STPG2: variants seen among roughly 807,000 people sequenced by gnomAD.
STPG2 encodes sperm-tail PG-rich repeat-containing protein 2.
In STPG2, 56 loss-of-function variants were observed where a neutral mutation model predicts 54.2. The observed-to-expected ratio is 1.03, with a 90% CI of 0.83 to 1.29. STPG2 has a LOEUF of 1.29. Among genes scored for constraint, STPG2 ranks in the 50% most tolerant of loss-of-function variants. STPG2 has a pLI of 0.00. For synonymous variants in STPG2, 200 were observed against 181.8 expected (o/e 1.10, Z -0.81); for missense variants, 596 against 544.9 (o/e 1.09, Z -0.93).
In STPG2 at chr4:97,779,509, A is replaced by C. The variant is rs148077249; in HGVS notation, c.1204+61264T>G. On this transcript the variant is annotated intron_variant, in intron 9 of 10. Transcript: ENST00000295268. ...GGAACCAAACTGGAAAACACTCTGCAGGATATTATCCAGGAGAACTTCCCC... is the reference window on the plus strand; with the variant it reads ...GGAACCAAACTGGAAAACACTCTGCCGGATATTATCCAGGAGAACTTCCCC... Among the ~76,000 whole-genome samples the C allele has an allele frequency of 3.4e-3, 512 of 152,316 alleles. 31 individuals are homozygous for C. In the East Asian group the frequency reaches 0.082, roughly 24 times the overall value.
intron 8 of STPG2, among the ~76,000 whole-genome samples, chr4:97,875,317 C>T (rs976902148): frequency 6.6e-6 from 1 of 151,596 alleles, no homozygotes; most frequent in Admixed American, 6.6e-5. Flanking sequence ...TCTTTATATA[C>T]TTACGTATAT....
chr4:97,886,205 T>C (rs1730563210), intron 8 of STPG2, among the ~76,000 whole-genome samples: 1 of 152,194 alleles, frequency 6.6e-6, no homozygotes, highest in Non-Finnish European at 1.5e-5. Flanking sequence ...TCGAAGTGTA[T>C]TCTAGTAGAA....
chr4:97,530,079 T>C (rs1731380978), intron 4 of STPG2, among the ~76,000 whole-genome samples: 1 of 152,180 alleles, frequency 6.6e-6, no homozygotes, highest in African/African-American at 2.4e-5. Flanking sequence ...GTATAACGTA[T>C]TGTACAAAAT....
chr4:98,018,606 A>G (rs1025378381), intron 5 of STPG2, among the ~76,000 whole-genome samples: 2 of 152,150 alleles, frequency 1.3e-5, no homozygotes, highest in African/African-American at 4.8e-5. Context: ...GACTTCCACA[A>G]TGGTTGAACT....
chr4:97,537,764 C>A (rs1164388634), intron 4 of STPG2, among the ~76,000 whole-genome samples: 1 of 152,164 alleles, frequency 6.6e-6, no homozygotes, highest in Non-Finnish European at 1.5e-5. Context: ...GGTCCCTGAC[C>A]CCTGAGTAGA....
At chr4:97,496,674 A>C (rs565449653) in intron 4 of STPG2, among the ~76,000 whole-genome samples, 1 of 151,786 alleles carries the variant, frequency 6.6e-6, no homozygotes, top group Admixed American at 6.6e-5. Context: ...AGCTTAGCCC[A>C]TTCTCTCAGA....
intron 4 of STPG2, among the ~76,000 whole-genome samples, chr4:97,511,337 A>AAGCATGTTTC (rs1730967719): frequency 6.6e-6 from 1 of 152,024 alleles, no homozygotes; most frequent in African/African-American, 2.4e-5. Context: ...AGAAGAATTT[A>AAGCATGTTTC]TGGTGAAAAA....
chr4:97,697,067 CTCTG>C (rs1723600115), intron 10 of STPG2, among the ~76,000 whole-genome samples: 1 of 152,174 alleles, frequency 6.6e-6, no homozygotes, highest in South Asian at 2.1e-4. Context: ...AATTGCACCT[CTCTG>C]TCTGCATGCC....
chr4:98,062,341 A>T (rs1180798302), intron 5 of STPG2, among the ~76,000 whole-genome samples: 1 of 152,148 alleles, frequency 6.6e-6, no homozygotes, highest in Admixed American at 6.6e-5. Flanking sequence ...AAAGACAACT[A>T]TTGGGTACTG....
intron 10 of STPG2, among the ~76,000 whole-genome samples, chr4:97,591,019 C>T (rs961767899): frequency 1.3e-5 from 2 of 152,114 alleles, no homozygotes; most frequent in Admixed American, 6.5e-5. Flanking sequence ...GAAGTTGCTT[C>T]TGGAATATTT....
intron 5 of STPG2, among the ~76,000 whole-genome samples, chr4:98,046,851 T>C (rs1352349568): frequency 6.6e-6 from 1 of 152,210 alleles, no homozygotes; most frequent in East Asian, 1.9e-4. Flanking sequence ...GTGGAATAGC[T>C]GGAGTCTTGG....
chr4:97,616,092 A>ATATATGTATG (rs764342142), intron 10 of STPG2, among the ~76,000 whole-genome samples: 5 of 63,268 alleles, frequency 7.9e-5, no homozygotes, highest in South Asian at 8.3e-4. Flanking sequence ...ATATATATAT[A>ATATATGTATG]TATGTATGTA....
chr4:97,582,492 G>A (rs1732887364), intron 10 of STPG2, among the ~76,000 whole-genome samples: 1 of 151,860 alleles, frequency 6.6e-6, no homozygotes, highest in South Asian at 2.1e-4. Context: ...ATATTCTAAT[G>A]TTTCTCTTTC....
chr4:97,623,905 T>C (rs1364984168), intron 10 of STPG2, among the ~76,000 whole-genome samples: 1 of 152,212 alleles, frequency 6.6e-6, no homozygotes, highest in Non-Finnish European at 1.5e-5. Context: ...TTTCTGTTTC[T>C]GCATTAGTTT....
At chr4:97,906,591 G>T (rs1423286609) in intron 8 of STPG2, among the ~76,000 whole-genome samples, 1 of 152,124 alleles carries the variant, frequency 6.6e-6, no homozygotes, top group Non-Finnish European at 1.5e-5. Context: ...CAATATCCTT[G>T]ATGAACATTG....
rs900297675 is a variant in STPG2, at chr4:97,840,932, C to T, written c.1045G>A (p.Val349Ile). The change falls in exon 9 of 11, where the codon GTT (valine) becomes ATT (isoleucine). Residue 349 changes from valine (V) to isoleucine (I), a missense_variant and splice_region_variant. Physicochemically the swap from Val to Ile is conservative, Grantham distance 29. Transcript: ENST00000295268. ...AKRTMKVPDMVIPAPGSYDVH... is the reference protein window; with the variant it reads ...AKRTMKVPDMIIPAPGSYDVH... The stretch of plus-strand genomic sequence containing the variant: ...TCATAGCTGCCTGGCGCTGGAATAA[C>T]CTGAAAAAAAATTTAATAGATGAGC... 1.5e-5 allele frequency: 24 copies of T among 1,607,984 alleles called. No homozygotes were observed. Among genetic ancestry groups the T allele is most frequent in the Middle Eastern group, 3.3e-4 (2 of 6,042 alleles).
In STPG2 at chr4:97,767,894, A is replaced by G. The variant is rs568331798; in HGVS notation, c.1205-55080T>C. ...AGATAAAACATAGAGTTGGCCAGGCACGATGGCTCACGCCTGTAATCCCAG... is the reference window on the plus strand; with the variant it reads ...AGATAAAACATAGAGTTGGCCAGGCGCGATGGCTCACGCCTGTAATCCCAG... On this transcript the variant is annotated intron_variant, in intron 9 of 10. Coordinates refer to ENST00000295268, the MANE Select transcript of STPG2 (RefSeq NM_174952.3). Among the ~76,000 whole-genome samples the G allele has an allele frequency of 4.6e-5, 7 of 152,302 alleles. No homozygotes were observed. The South Asian group carries it at 6.2e-4, about 14-fold the overall frequency.
chr4:97,526,473 T>C (rs1731282538), intron 4 of STPG2, among the ~76,000 whole-genome samples: 1 of 152,104 alleles, frequency 6.6e-6, no homozygotes, highest in Non-Finnish European at 1.5e-5. Context: ...TTTTTGTTTG[T>C]TTGTTTTTGA....
At chr4:97,970,020 C>A (rs964053780) in intron 7 of STPG2, among the ~76,000 whole-genome samples, 1 of 152,106 alleles carries the variant, frequency 6.6e-6, no homozygotes, top group African/African-American at 2.4e-5. Context: ...CAATAACAGA[C>A]AAACAGAGAG....
Sources: allele counts gnomAD v4.1 joint callset (sites outside exome capture counted in the v4.1 genomes callset), GRCh38; gene constraint gnomAD v4.1.1; transcripts MANE v1.5; gene names NCBI Gene and HGNC (gene_info 2026-07-23, HGNC 2026-07-21).